Variants in VWA3B observed in about 807,000 individuals in gnomAD.
The protein encoded by VWA3B is von Willebrand factor A domain-containing protein 3B.
VWA3B carries 138 observed loss-of-function variants against 158.3 expected under a neutral mutation model. That is an observed-to-expected ratio of 0.87 (90% CI 0.76 to 1.00). The LOEUF (loss-of-function observed/expected upper bound fraction) is 1.00. Among genes scored for constraint, VWA3B ranks in the 50% least tolerant of loss-of-function variants. VWA3B has a pLI of 0.00. For missense variants in VWA3B, 1,555 were observed against 1,565.1 expected (o/e 0.99, Z 0.11); for synonymous variants, 596 against 587.3 (o/e 1.01, Z -0.21).
chr2:98,260,898 G>T (rs72817792), intron 21 of VWA3B, among the ~76,000 whole-genome samples: 1 of 151,236 alleles, frequency 6.6e-6, no homozygotes, highest in African/African-American at 2.4e-5. Flanking sequence ...TCATCCTTTC[G>T]CTTTTAACCT....
intron 25 of VWA3B, among the ~76,000 whole-genome samples, chr2:98,302,929 A>G (rs572544189): frequency 6.6e-6 from 1 of 152,328 alleles, no homozygotes; most frequent in African/African-American, 2.4e-5. Context: ...CAACAGGGCA[A>G]GCGGAGAAGG....
At chr2:98,208,578 A>C (rs1027026055) in intron 12 of VWA3B, among the ~76,000 whole-genome samples, 24 of 152,060 alleles carry the variant, frequency 1.6e-4, no homozygotes, top group African/African-American at 5.8e-4. Flanking sequence ...TATGTAACTT[A>C]TCACAGCCTA....
In VWA3B at chr2:98,303,752, G is replaced by A. The variant is rs146673560; in HGVS notation, c.3471G>A (p.Ala1157=). The A allele has an allele frequency of 1.9e-4, 300 of 1,614,084 alleles. No homozygotes were observed. The highest frequency in any genetic ancestry group is 1.2e-3 in the Middle Eastern group (7 of 6,062). ...ALIKISQNKY[A]LSCSHIKSPP... is the part of the protein sequence containing the mutation. The stretch of plus-strand genomic sequence containing the variant: ...TTAAGATCAGCCAAAACAAGTATGC[G>A]CTCTCTTGCTCTCATATAAAGTCAC... The change falls in exon 26 of 28, where the codon GCG becomes GCA. Residue 1157 remains alanine (A), a synonymous_variant. Transcript: ENST00000477737.
At position 98,174,026 on chromosome 2, in the gene VWA3B, G is replaced by A. The variant is rs141023012; in HGVS notation, c.1115-6990G>A. Among the ~76,000 whole-genome samples the A allele has an allele frequency of 4.6e-5, 7 of 152,112 alleles. No individual in the cohort carries two copies. The East Asian group carries it at 1.2e-3, about 25-fold the overall frequency. ...CAAATCTATTGAGGAATTATATTTC[G>A]TGTATTTGGACCCCTAATTATGGAA... On this transcript the variant is annotated intron_variant, in intron 8 of 27. Coordinates refer to ENST00000477737, the MANE Select transcript of VWA3B (RefSeq NM_144992.5).
intron 21 of VWA3B, among the ~76,000 whole-genome samples, chr2:98,258,733 G>C (rs1022611297): frequency 3.3e-5 from 5 of 151,810 alleles, no homozygotes; most frequent in Admixed American, 1.3e-4. Flanking sequence ...GCTTTGTGGG[G>C]AATCTATGGG....
chr2:98,236,312 G>C, intron 17 of VWA3B, 78 bp from the exon 18 acceptor site: 2 of 1,471,678 alleles, frequency 1.4e-6, no homozygotes, highest in Non-Finnish European at 9.5e-7. Flanking sequence ...GCTGGACTGA[G>C]ACAAGCGTGA....
chr2:98,207,454 T>C (rs1310773255), intron 12 of VWA3B: 9 of 493,084 alleles, frequency 1.8e-5, no homozygotes, highest in Non-Finnish European at 3.2e-5. Context: ...TACGTTATTG[T>C]CATAATCCAT....
At chr2:98,178,796 G>A (rs1349787450) in intron 8 of VWA3B, among the ~76,000 whole-genome samples, 1 of 152,122 alleles carries the variant, frequency 6.6e-6, no homozygotes, top group African/African-American at 2.4e-5. Flanking sequence ...TTTTTTTAAA[G>A]CTCCTCAGGG....
intron 19 of VWA3B, among the ~76,000 whole-genome samples, chr2:98,242,758 A>G (rs1233429231): frequency 2.0e-5 from 3 of 149,616 alleles, no homozygotes; most frequent in Non-Finnish European, 4.4e-5. Context: ...ATTTGCTATC[A>G]TCAAATATCT....
At chr2:98,174,844 A>G (rs749998408) in intron 8 of VWA3B, among the ~76,000 whole-genome samples, 2 of 152,220 alleles carry the variant, frequency 1.3e-5, no homozygotes, top group Non-Finnish European at 2.9e-5. Flanking sequence ...TACAGCATGG[A>G]AAGTGTGGCC....
At chr2:98,227,938 A>G (rs1458659070) in intron 14 of VWA3B, among the ~76,000 whole-genome samples, 1 of 152,226 alleles carries the variant, frequency 6.6e-6, no homozygotes, top group African/African-American at 2.4e-5. Context: ...AAAATGGGAT[A>G]ATATAAGAAC....
At position 98,238,540 on chromosome 2, in the gene VWA3B, G is replaced by A. The variant is rs1026176956; in HGVS notation, c.2673+1810G>A. Among the ~76,000 whole-genome samples the A allele has an allele frequency of 3.3e-5, 5 of 152,134 alleles. No homozygotes were observed. In the South Asian group the frequency reaches 1.0e-3, roughly 32 times the overall value. On this transcript the variant is annotated intron_variant, in intron 19 of 27. Coordinates refer to ENST00000477737, the MANE Select transcript of VWA3B (RefSeq NM_144992.5). ...GGGCTTATTATGCCTCCTTCTAAAT[G>A]TCCCAACAACTTGAGGTAGAGTGAA...
intron 22 of VWA3B, among the ~76,000 whole-genome samples, chr2:98,271,613 G>A (rs1199748351): frequency 6.6e-6 from 1 of 152,154 alleles, no homozygotes; most frequent in East Asian, 1.9e-4. Context: ...ATTCCATGGT[G>A]TGAGTATACC....
intron 2 of VWA3B, among the ~76,000 whole-genome samples, chr2:98,105,523 T>C (rs1346126387): frequency 6.6e-6 from 1 of 152,178 alleles, no homozygotes; most frequent in Non-Finnish European, 1.5e-5. Context: ...CCCTCCTATG[T>C]TTTTTTCTAA....
intron 19 of VWA3B, among the ~76,000 whole-genome samples, chr2:98,239,840 G>C (rs955384611): frequency 2.0e-5 from 3 of 151,592 alleles, no homozygotes; most frequent in African/African-American, 7.3e-5. Context: ...CTTGAATTCG[G>C]GAGGCAGAGG....
intron 2 of VWA3B, among the ~76,000 whole-genome samples, chr2:98,103,938 A>G (rs1299469178): frequency 6.6e-6 from 1 of 152,242 alleles, no homozygotes; most frequent in Non-Finnish European, 1.5e-5. Flanking sequence ...TAAGGACTTG[A>G]CAAATTTTAA....
intron 22 of VWA3B, among the ~76,000 whole-genome samples, chr2:98,282,436 T>A (rs1435242988): frequency 1.9e-5 from 2 of 104,156 alleles, no homozygotes; most frequent in Admixed American, 8.4e-5. Flanking sequence ...GAATTACTTT[T>A]TTTTTTTTTT....
chr2:98,140,184 C>T (rs1483744606), intron 7 of VWA3B, among the ~76,000 whole-genome samples: 2 of 152,178 alleles, frequency 1.3e-5, no homozygotes, highest in Non-Finnish European at 2.9e-5. Context: ...TAACACGCAC[C>T]GCGAAGGTCC....
At chr2:98,161,699 C>T (rs1198466604) in intron 7 of VWA3B, among the ~76,000 whole-genome samples, 1 of 152,022 alleles carries the variant, frequency 6.6e-6, no homozygotes, top group Non-Finnish European at 1.5e-5. Flanking sequence ...TTATTTATTT[C>T]AAGATGGAGT....
Sources: allele counts gnomAD v4.1 joint callset (sites outside exome capture counted in the v4.1 genomes callset), GRCh38; gene constraint gnomAD v4.1.1; transcripts MANE v1.5; gene names NCBI Gene and HGNC (gene_info 2026-07-23, HGNC 2026-07-21).